RAPGEF2: variants seen among roughly 807,000 people sequenced by gnomAD.
The protein encoded by RAPGEF2 is Rap guanine nucleotide exchange factor 2.
In RAPGEF2, 54 loss-of-function variants were observed where a neutral mutation model predicts 186.7. The observed-to-expected ratio is 0.29, with a 90% CI of 0.23 to 0.36. The LOEUF is 0.36. Ranked by LOEUF, RAPGEF2 falls within the 10% of genes least tolerant of loss-of-function variation. The probability of loss-of-function intolerance (pLI) is 1.00; values close to 1 mark genes in which losing one functional copy is unlikely to be tolerated. For missense variants in RAPGEF2, 1,532 were observed against 2,045.0 expected (o/e 0.75, Z 4.84); for synonymous variants, 712 against 705.9 (o/e 1.01, Z -0.14).
At position 159,104,553 on chromosome 4, in the gene RAPGEF2, A is replaced by AGAGAGAGAGAGAGAGT. The variant is rs1553991869; in HGVS notation, c.69+323_69+324insAGAGAGAGAGAGAGTG. 2.9e-4 allele frequency among the ~76,000 whole-genome samples: 39 copies of AGAGAGAGAGAGAGAGT among 136,118 alleles called. No individual in the cohort carries two copies. In the South Asian group the frequency reaches 7.1e-3, roughly 25 times the overall value. The allele number at this position is 136,118 out of a possible 152,430, so 89.3% of individuals were successfully genotyped here. A position where few individuals can be genotyped will look rare whatever the true frequency, so the allele number is the denominator to read the frequency against. ...GAGAGACAGAGAGAGAGAGAGAGAG[A>AGAGAGAGAGAGAGAGT]GTGTGTGTGTGTGTGTGTATGTGTG... On this transcript the variant is annotated intron_variant, in intron 1 of 29. Transcript: ENST00000691494.
intron 7 of RAPGEF2, among the ~76,000 whole-genome samples, chr4:159,264,415 A>T (rs1561171243): frequency 6.6e-6 from 1 of 152,174 alleles, no homozygotes; most frequent in Non-Finnish European, 1.5e-5. Flanking sequence ...GCAATTGGTA[A>T]CCTACATATA....
At chr4:159,331,890 A>G in intron 15 of RAPGEF2, 36 bp from the exon 16 acceptor site, 1 of 1,574,776 alleles carries the variant, frequency 6.4e-7, no homozygotes, top group Non-Finnish European at 8.6e-7. Flanking sequence ...TTTTTTTTTC[A>G]GTCAATTTTG....
At chr4:159,225,934 TA>T (rs1010743614) in intron 4 of RAPGEF2, among the ~76,000 whole-genome samples, 1 of 152,042 alleles carries the variant, frequency 6.6e-6, no homozygotes, top group South Asian at 2.1e-4. Flanking sequence ...ACATGTGCCT[TA>T]AAAAAAATAA....
At chr4:159,232,859 G>C (rs74763791) in intron 4 of RAPGEF2, among the ~76,000 whole-genome samples, 8,154 of 152,060 alleles carry the variant, frequency 0.054, 738 homozygotes, top group African/African-American at 0.18. Context: ...ATTTGCATGT[G>C]GCTTCAGGTG....
intron 3 of RAPGEF2, among the ~76,000 whole-genome samples, chr4:159,197,003 A>T (rs1485431529): frequency 6.6e-6 from 1 of 152,240 alleles, no homozygotes; most frequent in African/African-American, 2.4e-5. Flanking sequence ...GGAAAAGCCT[A>T]TCAGGTAATT....
At chr4:159,302,713 A>G (rs1225196449) in intron 7 of RAPGEF2, among the ~76,000 whole-genome samples, 2 of 152,112 alleles carry the variant, frequency 1.3e-5, no homozygotes, top group African/African-American at 4.8e-5. Flanking sequence ...ATTTAGAGGT[A>G]TTTGCCTATC....
chr4:159,318,526 G>A (rs991115004), intron 9 of RAPGEF2, among the ~76,000 whole-genome samples: 2 of 152,126 alleles, frequency 1.3e-5, no homozygotes, highest in African/African-American at 2.4e-5. Flanking sequence ...ATATTTTTGC[G>A]AGCTGCAGGA....
At chr4:159,334,873 T>C (rs946572250) in intron 17 of RAPGEF2, among the ~76,000 whole-genome samples, 1 of 152,198 alleles carries the variant, frequency 6.6e-6, no homozygotes, top group African/African-American at 2.4e-5. Context: ...TTTAGGAAAA[T>C]ATATGGCTCA....
At chr4:159,164,517 A>G (rs909855035) in intron 1 of RAPGEF2, among the ~76,000 whole-genome samples, 1 of 152,112 alleles carries the variant, frequency 6.6e-6, no homozygotes, top group African/African-American at 2.4e-5. Context: ...TGTCTTTGAT[A>G]TCTTTCCTTT....
chr4:159,251,470 G>A (rs1379951792), intron 7 of RAPGEF2, among the ~76,000 whole-genome samples: 1 of 152,200 alleles, frequency 6.6e-6, no homozygotes, highest in Non-Finnish European at 1.5e-5. Flanking sequence ...GTCTAGCTCA[G>A]GGTTTGTGGA....
At chr4:159,280,725 G>C (rs1315516068) in intron 7 of RAPGEF2, among the ~76,000 whole-genome samples, 1 of 152,162 alleles carries the variant, frequency 6.6e-6, no homozygotes, top group Non-Finnish European at 1.5e-5. Context: ...GATCTATATT[G>C]AAGTGTCATA....
intron 29 of RAPGEF2, 90 bp from the exon 30 acceptor site, chr4:159,358,024 T>C: frequency 7.8e-7 from 1 of 1,286,430 alleles, no homozygotes; most frequent in Non-Finnish European, 1.1e-6. Context: ...ATGATAGTTT[T>C]ATTTAGCACA....
At chr4:159,208,103 G>A (rs1411860930) in intron 3 of RAPGEF2, among the ~76,000 whole-genome samples, 1 of 152,138 alleles carries the variant, frequency 6.6e-6, no homozygotes, top group Non-Finnish European at 1.5e-5. Flanking sequence ...CATTGCTGTT[G>A]AGCTAAGTAG....
chr4:159,287,573 A>G (rs1391786685), intron 7 of RAPGEF2, among the ~76,000 whole-genome samples: 2 of 152,166 alleles, frequency 1.3e-5, no homozygotes, highest in African/African-American at 4.8e-5. Context: ...ATGCTTCTCT[A>G]AGAGCAATTA....
At chr4:159,110,645 A>G (rs1009124076) in intron 1 of RAPGEF2, among the ~76,000 whole-genome samples, 19 of 152,220 alleles carry the variant, frequency 1.2e-4, no homozygotes, top group African/African-American at 3.9e-4. Flanking sequence ...TGTAATGATA[A>G]TGTGATTTCC....
intron 1 of RAPGEF2, among the ~76,000 whole-genome samples, chr4:159,104,540 G>GAGAC (rs1737634687): frequency 3.9e-5 from 5 of 128,272 alleles, no homozygotes; most frequent in South Asian, 2.5e-4. Flanking sequence ...GAGACAGAGA[G>GAGAC]AGAGAGAGAG....
At chr4:159,234,874 C>G (rs190462872) in intron 4 of RAPGEF2, among the ~76,000 whole-genome samples, 1 of 152,278 alleles carries the variant, frequency 6.6e-6, no homozygotes, top group East Asian at 1.9e-4. Context: ...ATTCTCCTAC[C>G]TCAGCCTCCT....
At chr4:159,279,688 CTT>C (rs375866333) in intron 7 of RAPGEF2, among the ~76,000 whole-genome samples, 1 of 147,542 alleles carries the variant, frequency 6.8e-6, no homozygotes. Context: ...TTTCTTTTTC[CTT>C]TTTTTTTTGA....
At chr4:159,234,321 A>T (rs1040366534) in intron 4 of RAPGEF2, among the ~76,000 whole-genome samples, 46 of 152,134 alleles carry the variant, frequency 3.0e-4, no homozygotes, top group African/African-American at 1.1e-3. Flanking sequence ...TAAGTTTTTT[A>T]AAAATGATTA....
Sources: gnomAD v4.1 joint callset for allele counts (sites outside exome capture counted in the v4.1 genomes callset) on GRCh38, gnomAD v4.1.1 for gene constraint, MANE v1.5 for transcripts, NCBI Gene and HGNC (gene_info 2026-07-23, HGNC 2026-07-21) for gene names.